The following CNTNAP2 variants were observed in gnomAD, a reference collection of about 807,000 sequenced individuals.
CNTNAP2 encodes the protein contactin associated protein 2, also known as contactin-associated protein-like 2.
In CNTNAP2, 98 loss-of-function variants were observed where a neutral mutation model predicts 155.2. The observed-to-expected ratio is 0.63, with a 90% CI of 0.54 to 0.75. CNTNAP2 has a LOEUF of 0.75. CNTNAP2 is among the 30% of genes least tolerant of loss of function. The probability of loss-of-function intolerance (pLI) is 0.00; values close to 1 mark genes in which losing one functional copy is unlikely to be tolerated. For missense variants in CNTNAP2, 1,727 were observed against 1,688.1 expected, an observed-to-expected ratio of 1.02 and a Z score of -0.40; for synonymous variants, 651 against 631.2, an observed-to-expected ratio of 1.03 and a Z score of -0.47.
chr7:146,766,792 A>T (rs945644495), intron 1 of CNTNAP2, among the ~76,000 whole-genome samples: 1 of 152,184 alleles, frequency 6.6e-6, no homozygotes, highest in Non-Finnish European at 1.5e-5. Context: ...CTGTATATTC[A>T]TCAAGGTCCA....
At chr7:147,821,804 G>A (rs1047844497) in intron 13 of CNTNAP2, among the ~76,000 whole-genome samples, 3 of 152,074 alleles carry the variant, frequency 2.0e-5, no homozygotes, top group African/African-American at 7.2e-5. Flanking sequence ...CTGAACTTTA[G>A]GGAAATGATG....
At chr7:147,988,636 G>T (rs1801660791) in intron 15 of CNTNAP2, among the ~76,000 whole-genome samples, 1 of 152,022 alleles carries the variant, frequency 6.6e-6, no homozygotes, top group Admixed American at 6.6e-5. Context: ...TGGCTGGATG[G>T]GTTCTGCCTC....
intron 1 of CNTNAP2, among the ~76,000 whole-genome samples, chr7:146,683,329 G>A (rs1309998036): frequency 6.6e-6 from 1 of 152,176 alleles, no homozygotes; most frequent in Non-Finnish European, 1.5e-5. Context: ...CACCATGCAC[G>A]GCCAAGTCGT....
At chr7:147,031,792 C>T (rs1297089936) in intron 3 of CNTNAP2, among the ~76,000 whole-genome samples, 1 of 152,154 alleles carries the variant, frequency 6.6e-6, no homozygotes. Context: ...GTGGCCTGTG[C>T]CTGTAGTCCC....
intron 9 of CNTNAP2, among the ~76,000 whole-genome samples, chr7:147,386,154 C>T (rs917054047): frequency 6.6e-6 from 1 of 152,126 alleles, no homozygotes; most frequent in African/African-American, 2.4e-5. Context: ...AGCAGAGGGA[C>T]CCTGAGCCCG....
intron 13 of CNTNAP2, among the ~76,000 whole-genome samples, chr7:147,894,950 TTTCTTTCTTTCTTTC>T (rs1722456174): frequency 1.2e-5 from 1 of 85,288 alleles, no homozygotes; most frequent in Non-Finnish European, 2.1e-5. Context: ...TCTTTCTTTC[TTTCTTTCTTTCTTTC>T]TTTTTTTTTT....
intron 1 of CNTNAP2, among the ~76,000 whole-genome samples, chr7:146,307,486 G>T (rs1584860330): frequency 6.6e-6 from 1 of 152,026 alleles, no homozygotes. Flanking sequence ...CTACTTTAAA[G>T]TTCATATGGA....
rs114626247 is a variant in CNTNAP2, at chr7:146,676,955, A to G, written c.98-97316A>G. Among the ~76,000 whole-genome samples, 603 of 152,248 alleles carry G rather than the reference A, an allele frequency of 4.0e-3. 4 individuals are homozygous for G. The highest frequency in any genetic ancestry group is 0.013 in the African/African-American group (553 of 41,538). ...ACCATATTGGCACTTCTACACTAAA[A>G]AGTATCCAAGACAAGTCTCAATCAA... On this transcript the variant is annotated intron_variant, in intron 1 of 23. Coordinates refer to ENST00000361727, the MANE Select transcript of CNTNAP2 (RefSeq NM_014141.6).
At chr7:147,175,436 C>A (rs148020143) in intron 8 of CNTNAP2, among the ~76,000 whole-genome samples, 19 of 152,242 alleles carry the variant, frequency 1.2e-4, no homozygotes, top group African/African-American at 4.6e-4. Flanking sequence ...TTAAATGCTA[C>A]TACTCAATTT....
intron 8 of CNTNAP2, among the ~76,000 whole-genome samples, chr7:147,266,359 A>G (rs186133051): frequency 1.3e-5 from 2 of 152,322 alleles, no homozygotes; most frequent in East Asian, 3.9e-4. Flanking sequence ...AGCCATTGAG[A>G]CCACATCTTT....
At chr7:148,247,293 A>G (rs1265760773) in intron 20 of CNTNAP2, among the ~76,000 whole-genome samples, 1 of 152,168 alleles carries the variant, frequency 6.6e-6, no homozygotes, top group Non-Finnish European at 1.5e-5. Flanking sequence ...AAATATATTT[A>G]TTATAGAAAG....
intron 3 of CNTNAP2, among the ~76,000 whole-genome samples, chr7:146,934,710 C>T (rs1796873715): frequency 6.6e-6 from 1 of 151,886 alleles, no homozygotes; most frequent in Non-Finnish European, 1.5e-5. Flanking sequence ...TTTTAAGCTC[C>T]CCAATGGCAG....
intron 13 of CNTNAP2, among the ~76,000 whole-genome samples, chr7:147,643,896 A>G (rs1382924885): frequency 6.6e-6 from 1 of 152,170 alleles, no homozygotes; most frequent in Non-Finnish European, 1.5e-5. Context: ...ATGTAAAATT[A>G]CCCATTATTA....
At chr7:146,397,859 A>G (rs1420430900) in intron 1 of CNTNAP2, among the ~76,000 whole-genome samples, 2 of 149,292 alleles carry the variant, frequency 1.3e-5, no homozygotes, top group Admixed American at 6.8e-5. Context: ...TTGTATACCA[A>G]AATTTGACAG....
chr7:147,083,593 C>T (rs1193851189), intron 4 of CNTNAP2, among the ~76,000 whole-genome samples: 1 of 143,914 alleles, frequency 6.9e-6, no homozygotes, highest in Non-Finnish European at 1.5e-5. Context: ...TATATACACA[C>T]ACACGTCTAT....
At chr7:146,812,172 G>A (rs1342568561) in intron 2 of CNTNAP2, among the ~76,000 whole-genome samples, 1 of 152,106 alleles carries the variant, frequency 6.6e-6, no homozygotes, top group African/African-American at 2.4e-5. Flanking sequence ...ACAGGAAAAT[G>A]TGGGAAAGCT....
At chr7:147,645,096 T>C (rs944244183) in intron 13 of CNTNAP2, among the ~76,000 whole-genome samples, 6 of 152,144 alleles carry the variant, frequency 3.9e-5, no homozygotes, top group Non-Finnish European at 8.8e-5. Flanking sequence ...CTATTAGATT[T>C]TGTATCTATT....
chr7:146,723,412 A>C (rs1222919514), intron 1 of CNTNAP2, among the ~76,000 whole-genome samples: 4 of 152,200 alleles, frequency 2.6e-5, no homozygotes, highest in Non-Finnish European at 5.9e-5. Context: ...GATTTGTGGT[A>C]CATTACTATA....
chr7:147,839,317 C>T (rs1288720089), intron 13 of CNTNAP2, among the ~76,000 whole-genome samples: 2 of 152,138 alleles, frequency 1.3e-5, no homozygotes, highest in Non-Finnish European at 2.9e-5. Context: ...ATCAAGTTGA[C>T]ACTCAGTATT....
Sources: allele counts gnomAD v4.1 joint callset (sites outside exome capture counted in the v4.1 genomes callset), GRCh38; gene constraint gnomAD v4.1.1; transcripts MANE v1.5; gene names NCBI Gene and HGNC (gene_info 2026-07-23, HGNC 2026-07-21).